The following TMPRSS9 variants were observed in gnomAD, a reference collection of about 807,000 sequenced individuals.
TMPRSS9 encodes transmembrane serine protease 9.
Under a neutral mutation model 111.4 loss-of-function variants are expected in TMPRSS9, and 113 were observed. The observed-to-expected ratio is 1.01, with a 90% CI of 0.87 to 1.19. TMPRSS9 has a LOEUF of 1.19. TMPRSS9 is among the 50% of genes most tolerant of loss of function. The pLI, the probability that TMPRSS9 is intolerant of heterozygous loss-of-function variation, is 0.00. For synonymous variants in TMPRSS9, 805 were observed against 659.1 expected (o/e 1.22, Z -3.39); for missense variants, 1,803 against 1,513.1 (o/e 1.19, Z -3.18).
intron 6 of TMPRSS9, among the ~76,000 whole-genome samples, chr19:2,404,764 C>G (rs750419382): frequency 6.6e-6 from 1 of 151,612 alleles, no homozygotes; most frequent in Non-Finnish European, 1.5e-5. Context: ...AACCCCGGCT[C>G]TACTAAAAGT....
chr19:2,422,209 C>T (rs1299406803), exon 14 of TMPRSS9: 2 of 1,527,132 alleles, frequency 1.3e-6, no homozygotes, highest in South Asian at 2.6e-5. Context: ...ACGCCATTTC[C>T]AGACGCCCCG....
intron 6 of TMPRSS9, among the ~76,000 whole-genome samples, chr19:2,404,896 C>T (rs1243287704): frequency 1.4e-5 from 2 of 145,758 alleles, no homozygotes; most frequent in African/African-American, 5.1e-5. Context: ...CACGCCACTG[C>T]ACTCCAGCCT....
At chr19:2,364,965 C>A (rs943440859) in intron 1 of TMPRSS9, among the ~76,000 whole-genome samples, 2 of 145,684 alleles carry the variant, frequency 1.4e-5, no homozygotes, top group Non-Finnish European at 3.0e-5. Context: ...GGCGACGGAG[C>A]GAGACTCCAT....
At chr19:2,378,196 A>G (rs1970354583) in intron 1 of TMPRSS9, among the ~76,000 whole-genome samples, 1 of 152,090 alleles carries the variant, frequency 6.6e-6, no homozygotes, top group Non-Finnish European at 1.5e-5. Flanking sequence ...TTCCTTATAA[A>G]TCACCCAGTC....
At chr19:2,391,742 T>G (rs1970602749) in intron 1 of TMPRSS9, among the ~76,000 whole-genome samples, 1 of 147,482 alleles carries the variant, frequency 6.8e-6, no homozygotes, top group African/African-American at 2.5e-5. Flanking sequence ...AAGGAAGTCT[T>G]TTTTTTTTTT....
At chr19:2,416,440 C>T in intron 11 of TMPRSS9, 98 bp from the exon 13 acceptor site, 1 of 1,468,810 alleles carries the variant, frequency 6.8e-7, no homozygotes, top group Non-Finnish European at 9.1e-7. Flanking sequence ...CCAGGCAGCC[C>T]TGTGTGGCTT....
chr19:2,425,118 C>T (rs756449568), exon 16 of TMPRSS9: 1 of 1,582,748 alleles, frequency 6.3e-7, no homozygotes, highest in Non-Finnish European at 8.5e-7. Flanking sequence ...AATCTCTACA[C>T]GCTCGACTAC....
At chr19:2,425,101 G>T (rs751676273) in exon 16 of TMPRSS9, 12 of 1,583,944 alleles carry the variant, frequency 7.6e-6, no homozygotes, top group Middle Eastern at 1.7e-4. Context: ...ACAAGCACCC[G>T]TTCTACAATC....
chr19:2,366,586 G>A (rs1010319182), intron 1 of TMPRSS9, among the ~76,000 whole-genome samples: 7 of 149,466 alleles, frequency 4.7e-5, no homozygotes, highest in South Asian at 2.1e-4. Context: ...GGCTGGGTGC[G>A]GTGGCTCACG....
chr19:2,421,374 C>G (rs963681408), intron 13 of TMPRSS9, among the ~76,000 whole-genome samples: 1 of 151,406 alleles, frequency 6.6e-6, no homozygotes, highest in African/African-American at 2.4e-5. Context: ...CTGCAAGCTC[C>G]GCCTCCCGGG....
chr19:2,418,258 CCCTCCTTGTCCTTCCCTCCTTTTCCTTT>C lies in TMPRSS9; in HGVS notation c.2154+128_2154+155del, dbSNP rs1203930577. On this transcript the variant is annotated intron_variant, in intron 13 of 17. Coordinates refer to ENST00000648592, the Ensembl canonical transcript of TMPRSS9. ...CCTTTCTTTCCTTCCCCCCCTCCTT[CCCTCCTTGTCCTTCCCTCCTTTTCCTTT>C]CCTCCTTTCCTTCCCTCCCTTTCCC... 1.4e-4 allele frequency: 144 copies of C among 1,036,028 alleles called. 12 individuals carry two copies. The African/African-American group carries it at 2.4e-3, about 17-fold the overall frequency. 64.2% of individuals were successfully genotyped at this position (1,036,028 alleles called of 1,614,324 possible).
At chr19:2,418,285 T>TCCCCCCC (rs1414421833) in intron 13 of TMPRSS9, 147 bp downstream of exon 14, 1 of 660,514 alleles carries the variant, frequency 1.5e-6, no homozygotes, top group South Asian at 2.3e-5. Flanking sequence ...TCCTTTTCCT[T>TCCCCCCC]TCCTCCTTTC....
chr19:2,416,225 G>A lies in TMPRSS9; in HGVS notation c.1746-313G>A. Reference sequence around the variant, plus strand: ...TGCACTCCATCTGGGGCAACAGAGCGAGACCCTGTCTCAACAAAAAAGAGA... The same window carrying A: ...TGCACTCCATCTGGGGCAACAGAGCAAGACCCTGTCTCAACAAAAAAGAGA... On this transcript the variant is annotated intron_variant, in intron 11 of 17. Transcript: ENST00000648592. The A allele has an allele frequency of 1.1e-5, 5 of 458,428 alleles. No homozygotes were observed. In the South Asian group the frequency reaches 1.6e-4, roughly 14 times the overall value. 28.4% of individuals were successfully genotyped at this position (458,428 alleles called of 1,614,324 possible). A position where few individuals can be genotyped will look rare whatever the true frequency, so the allele number is the denominator to read the frequency against.
intron 13 of TMPRSS9, among the ~76,000 whole-genome samples, chr19:2,420,003 TA>T (rs895259161): frequency 2.7e-5 from 4 of 150,882 alleles, no homozygotes; most frequent in South Asian, 2.1e-4. Flanking sequence ...TACAAAAATT[TA>T]AAAAAAAAAT....
intron 6 of TMPRSS9, among the ~76,000 whole-genome samples, chr19:2,403,519 C>T (rs573527114): frequency 2.0e-5 from 3 of 152,068 alleles, no homozygotes; most frequent in Non-Finnish European, 2.9e-5. Context: ...AGCAGTGGGG[C>T]GTGGCCACAG....
At chr19:2,381,079 T>C (rs1044278946) in intron 1 of TMPRSS9, among the ~76,000 whole-genome samples, 3 of 152,062 alleles carry the variant, frequency 2.0e-5, no homozygotes, top group Non-Finnish European at 4.4e-5. Context: ...TTAATGGATC[T>C]GGGCCTCTTC....
intron 10 of TMPRSS9, among the ~76,000 whole-genome samples, chr19:2,415,148 T>G (rs112875716): frequency 6.6e-6 from 1 of 151,938 alleles, no homozygotes. Flanking sequence ...TTTCGCCATG[T>G]TGGCCAGGCT....
chr19:2,407,266 A>T (rs1237587227), intron 7 of TMPRSS9, among the ~76,000 whole-genome samples: 4 of 151,782 alleles, frequency 2.6e-5, no homozygotes, highest in Non-Finnish European at 5.9e-5. Context: ...TCATGAGTGT[A>T]ATCCCAGCAC....
chr19:2,422,093 C>A, exon 14 of TMPRSS9: 3 of 1,606,912 alleles, frequency 1.9e-6, no homozygotes, highest in Non-Finnish European at 2.6e-6. Flanking sequence ...GCCTCACAGT[C>A]CCGGGGGCCA....
Sources: gnomAD v4.1 joint callset for allele counts (sites outside exome capture counted in the v4.1 genomes callset) on GRCh38, gnomAD v4.1.1 for gene constraint, MANE v1.5 for transcripts, NCBI Gene and HGNC (gene_info 2026-07-23, HGNC 2026-07-21) for gene names.